The following LRP1B variants were observed in gnomAD, a reference collection of about 807,000 sequenced individuals.
LRP1B encodes the protein LDL receptor related protein 1B.
LRP1B carries 217 observed loss-of-function variants against 556.6 expected under a neutral mutation model. That is an observed-to-expected ratio of 0.39 (90% CI 0.35 to 0.44). The LOEUF is 0.44. Ranked by LOEUF, LRP1B falls within the 20% of genes least tolerant of loss-of-function variation. The probability of loss-of-function intolerance (pLI) is 1.00; values close to 1 mark genes in which losing one functional copy is unlikely to be tolerated. For missense variants in LRP1B, 5,053 were observed against 5,620.8 expected (o/e 0.90, Z 3.23); for synonymous variants, 2,047 against 1,865.8 (o/e 1.10, Z -2.50).
chr2:140,900,104 C>T (rs1222362343), intron 23 of LRP1B, among the ~76,000 whole-genome samples: 1 of 152,192 alleles, frequency 6.6e-6, no homozygotes, highest in African/African-American at 2.4e-5. Flanking sequence ...CTCCTTTCTG[C>T]CCCTACAGTT....
chr2:140,737,746 G>A (rs1441134838), intron 35 of LRP1B, among the ~76,000 whole-genome samples: 1 of 152,184 alleles, frequency 6.6e-6, no homozygotes, highest in Non-Finnish European at 1.5e-5. Context: ...AAGACAGGGT[G>A]CAGGAGTAGT....
chr2:142,003,906 C>G (rs1020544026), intron 1 of LRP1B, among the ~76,000 whole-genome samples: 5 of 152,156 alleles, frequency 3.3e-5, no homozygotes, highest in South Asian at 4.1e-4. Flanking sequence ...TATTATGCTG[C>G]CTTCACTTTT....
chr2:140,736,964 G>T (rs938693274), intron 35 of LRP1B, among the ~76,000 whole-genome samples: 2 of 152,140 alleles, frequency 1.3e-5, no homozygotes, highest in African/African-American at 4.8e-5. Flanking sequence ...TGAAGGAATT[G>T]TAGAGCTAGT....
intron 2 of LRP1B, among the ~76,000 whole-genome samples, chr2:141,535,991 A>G (rs1458232434): frequency 2.6e-5 from 4 of 152,156 alleles, no homozygotes; most frequent in African/African-American, 9.6e-5. Context: ...TCATAACCTC[A>G]CAATAACACA....
At chr2:141,079,895 TATA>T (rs1442825356) in intron 7 of LRP1B, among the ~76,000 whole-genome samples, 1 of 152,228 alleles carries the variant, frequency 6.6e-6, no homozygotes, top group African/African-American at 2.4e-5. Context: ...GAGCAAGGAC[TATA>T]ATCTTTGTGG....
chr2:141,883,733 A>G (rs1265310319), intron 1 of LRP1B, among the ~76,000 whole-genome samples: 5 of 152,120 alleles, frequency 3.3e-5, no homozygotes, highest in Admixed American at 6.5e-5. Context: ...AAAAAAACAA[A>G]ATGAATTAAA....
intron 2 of LRP1B, among the ~76,000 whole-genome samples, chr2:141,580,107 C>A (rs1032990387): frequency 6.6e-6 from 1 of 152,156 alleles, no homozygotes; most frequent in African/African-American, 2.4e-5. Context: ...GATACTTTGA[C>A]TAGGAATCCT....
At chr2:141,408,540 T>C (rs1272363110) in intron 3 of LRP1B, among the ~76,000 whole-genome samples, 1 of 152,080 alleles carries the variant, frequency 6.6e-6, no homozygotes, top group Non-Finnish European at 1.5e-5. Context: ...GGTCCTTATT[T>C]AGCAAAAAAA....
intron 37 of LRP1B, among the ~76,000 whole-genome samples, chr2:140,704,040 T>C (rs1232564561): frequency 6.6e-6 from 1 of 152,190 alleles, no homozygotes; most frequent in African/African-American, 2.4e-5. Context: ...ATTATTTGAA[T>C]GGTAGCTCTG....
chr2:141,278,739 C>G (rs1292075603), intron 3 of LRP1B, among the ~76,000 whole-genome samples: 1 of 152,166 alleles, frequency 6.6e-6, no homozygotes, highest in East Asian at 1.9e-4. Flanking sequence ...ACATTCAAGT[C>G]TGGAAGACCA....
At chr2:141,388,099 C>A (rs1411629737) in intron 3 of LRP1B, among the ~76,000 whole-genome samples, 1 of 152,080 alleles carries the variant, frequency 6.6e-6, no homozygotes, top group Non-Finnish European at 1.5e-5. Context: ...ATCATTTCAA[C>A]TGATTGAGGA....
chr2:140,826,044 AGAATTGAGGT>A (rs1691491398), intron 31 of LRP1B, among the ~76,000 whole-genome samples: 1 of 152,222 alleles, frequency 6.6e-6, no homozygotes, highest in East Asian at 1.9e-4. Context: ...CCTTATGAAC[AGAATTGAGGT>A]TTCCCTGACA....
chr2:141,160,739 C>T (rs1233964370), intron 7 of LRP1B, among the ~76,000 whole-genome samples: 4 of 151,800 alleles, frequency 2.6e-5, no homozygotes, highest in Non-Finnish European at 5.9e-5. Flanking sequence ...TCAGCAGTTG[C>T]CAGAAGTTAG....
At chr2:141,341,651 G>C (rs939473009) in intron 3 of LRP1B, among the ~76,000 whole-genome samples, 5 of 152,150 alleles carry the variant, frequency 3.3e-5, no homozygotes, top group African/African-American at 1.2e-4. Context: ...TACTTAAGTA[G>C]GGACCATATA....
At chr2:141,919,036 C>A (rs755809172) in intron 1 of LRP1B, among the ~76,000 whole-genome samples, 6 of 151,838 alleles carry the variant, frequency 4.0e-5, no homozygotes, top group Non-Finnish European at 5.9e-5. Flanking sequence ...TCTTTTCTTA[C>A]AAAATGATGA....
chr2:140,895,247 C>T (rs569629668), intron 23 of LRP1B, among the ~76,000 whole-genome samples: 2 of 152,180 alleles, frequency 1.3e-5, no homozygotes, highest in South Asian at 4.2e-4. Context: ...CAATCTGATT[C>T]AGGCTGAGAT....
chr2:141,108,334 C>CTTTTTTT (rs60275697), intron 7 of LRP1B, among the ~76,000 whole-genome samples: 1,538 of 88,286 alleles, frequency 0.017, 84 homozygotes, highest in Non-Finnish European at 0.022. Context: ...TAATCTGTTT[C>CTTTTTTT]TTTTTTTTTT....
intron 11 of LRP1B, among the ~76,000 whole-genome samples, chr2:141,023,591 AC>A (rs1259992342): frequency 1.3e-5 from 2 of 151,982 alleles, no homozygotes; most frequent in Non-Finnish European, 2.9e-5. Flanking sequence ...TAGATATTAT[AC>A]ATTCATGGAA....
chr2:140,887,542 C>G (rs567221013), intron 23 of LRP1B, among the ~76,000 whole-genome samples: 1 of 152,080 alleles, frequency 6.6e-6, no homozygotes, highest in Admixed American at 6.5e-5. Flanking sequence ...AATGTAAGAG[C>G]AGCAAAAATT....
Sources: gnomAD v4.1 joint callset for allele counts (sites outside exome capture counted in the v4.1 genomes callset) on GRCh38, gnomAD v4.1.1 for gene constraint, MANE v1.5 for transcripts, NCBI Gene and HGNC (gene_info 2026-07-23, HGNC 2026-07-21) for gene names.